Variants in SLC4A8 observed in about 807,000 individuals in gnomAD.
SLC4A8 encodes electroneutral sodium bicarbonate exchanger 1.
In SLC4A8, 40 loss-of-function variants were observed where a neutral mutation model predicts 125.0. The observed-to-expected ratio is 0.32, with a 90% CI of 0.25 to 0.42. SLC4A8 has a LOEUF of 0.42. SLC4A8 is among the 10% of genes least tolerant of loss of function. The pLI is 1.00. For missense variants in SLC4A8, 863 were observed against 1,355.1 expected (o/e 0.64, Z 5.70); for synonymous variants, 456 against 476.0 (o/e 0.96, Z 0.55).
chr12:51,471,380 C>T lies in SLC4A8; in HGVS notation c.1752C>T (p.Ser584=). The change falls in exon 14 of 25, where the codon TCC becomes TCT. Residue 584 remains serine (S), a synonymous_variant. Coordinates refer to ENST00000453097, the MANE Select transcript of SLC4A8 (RefSeq NM_001039960.3). ...TCCTTGTGGCAACTGATGCCAGTTCCCTTGTCTGCTACATTACCCGTTTCA... is the reference window on the plus strand; with the variant it reads ...TCCTTGTGGCAACTGATGCCAGTTCTCTTGTCTGCTACATTACCCGTTTCA... ...CIVLVATDAS[S]LVCYITRFTE... The T allele has an allele frequency of 1.2e-6, 2 of 1,614,150 alleles. No homozygotes were observed. The highest frequency in any genetic ancestry group is 1.7e-6 in the Non-Finnish European group (2 of 1,180,020).
At chr12:51,433,365 A>C (rs915129322) in intron 1 of SLC4A8, among the ~76,000 whole-genome samples, 3 of 152,206 alleles carry the variant, frequency 2.0e-5, no homozygotes, top group Non-Finnish European at 4.4e-5. Context: ...GAAGTTCAGA[A>C]AAGAGGATAC....
Position 51,515,294 on chromosome 12 carries a change from A to G in SLC4A8, c.*7856A>G, listed in dbSNP as rs1938494063. 6.6e-6 allele frequency: 1 copy of G among 152,216 alleles called. No homozygotes were observed. Among genetic ancestry groups the G allele is most frequent in the African/African-American group, 2.4e-5 (1 of 41,444 alleles). The allele number at this position is 152,216 out of a possible 1,614,324, so 9.4% of individuals were successfully genotyped here. A position where few individuals can be genotyped will look rare whatever the true frequency, so the allele number is the denominator to read the frequency against. ...CCTATATTCACTCCTCCAGGATCATAAAGCCTCCCTCTTGTTTATCTGTGT... is the reference window on the plus strand; with the variant it reads ...CCTATATTCACTCCTCCAGGATCATGAAGCCTCCCTCTTGTTTATCTGTGT... On this transcript the variant is annotated 3_prime_UTR_variant, in exon 25 of 25. Transcript: ENST00000453097.
intron 17 of SLC4A8, among the ~76,000 whole-genome samples, chr12:51,487,425 T>A (rs2138388336): frequency 6.6e-6 from 1 of 152,366 alleles, no homozygotes; most frequent in African/African-American, 2.4e-5. Context: ...AACCCATTCA[T>A]AATTTTGGAC....
chr12:51,503,878 T>G (rs1938047271), intron 22 of SLC4A8, 151 bp from the exon 23 acceptor site: 2 of 555,440 alleles, frequency 3.6e-6, no homozygotes, highest in African/African-American at 3.9e-5. Flanking sequence ...TGTCTCTCAT[T>G]TTGTGGTAAC....
chr12:51,442,281 CTCT>C (rs1299566665), intron 2 of SLC4A8, among the ~76,000 whole-genome samples: 3 of 152,150 alleles, frequency 2.0e-5, no homozygotes, highest in Non-Finnish European at 2.9e-5. Flanking sequence ...TTGCTCTTGC[CTCT>C]TCTTCTGTTC....
At chr12:51,465,466 A>T (rs1348320577) in intron 11 of SLC4A8, among the ~76,000 whole-genome samples, 1 of 152,162 alleles carries the variant, frequency 6.6e-6, no homozygotes, top group Non-Finnish European at 1.5e-5. Context: ...CAGTTATAAG[A>T]TCTTGGTAAT....
At chr12:51,439,663 A>G (rs1169911084) in intron 1 of SLC4A8, among the ~76,000 whole-genome samples, 2 of 152,194 alleles carry the variant, frequency 1.3e-5, no homozygotes, top group East Asian at 3.8e-4. Flanking sequence ...TGGAGCATGT[A>G]GGGAAGAGTG....
chr12:51,462,391 G>C lies in SLC4A8; in HGVS notation c.1183G>C (p.Val395Leu). The C allele has an allele frequency of 6.2e-7, 1 of 1,611,956 alleles. No individual in the cohort carries two copies. Among genetic ancestry groups the C allele is most frequent in the Non-Finnish European group, 8.5e-7 (1 of 1,179,338 alleles). The change falls in exon 10 of 25, where the codon GTG becomes CTG. Residue 395 changes from valine to leucine, a missense_variant. Val to Leu is a conservative substitution (Grantham distance 32, BLOSUM62 1). Coordinates refer to ENST00000453097, the MANE Select transcript of SLC4A8 (RefSeq NM_001039960.3). ...TGATGAGTTCCTAGACCAGGTGACG[G>C]TGCTCCCTCCAGGAGAGTGGGATCC... ...GIDEFLDQVT[V>L]LPPGEWDPSI...
intron 1 of SLC4A8, chr12:51,425,527 G>A: frequency 1.4e-6 from 1 of 727,674 alleles, no homozygotes; most frequent in Non-Finnish European, 1.7e-6. Context: ...CTGATAGGGT[G>A]ACCCGGTTTG....
intron 16 of SLC4A8, among the ~76,000 whole-genome samples, chr12:51,478,429 A>G (rs2138347296): frequency 6.6e-6 from 1 of 151,806 alleles, no homozygotes; most frequent in African/African-American, 2.4e-5. Context: ...ACAGAGCGAG[A>G]CTCCATCTTA....
chr12:51,402,950 C>A (rs1948420336), intron 1 of SLC4A8: 12 of 313,826 alleles, frequency 3.8e-5, no homozygotes, highest in South Asian at 3.3e-4. Flanking sequence ...ACTGGGGGTC[C>A]CTGATAGAAT....
intron 21 of SLC4A8, among the ~76,000 whole-genome samples, chr12:51,495,470 CTTTT>C (rs3028942): frequency 6.6e-4 from 50 of 76,296 alleles, no homozygotes; most frequent in African/African-American, 2.3e-3. Context: ...TTTCTTTCTT[CTTTT>C]TTTTTTTTTT....
At chr12:51,488,344 T>C (rs1193123009) in intron 17 of SLC4A8, among the ~76,000 whole-genome samples, 1 of 152,196 alleles carries the variant, frequency 6.6e-6, no homozygotes, top group African/African-American at 2.4e-5. Context: ...TAGTAGGTTA[T>C]TGGTAGAAGG....
intron 22 of SLC4A8, 139 bp from the exon 23 acceptor site, chr12:51,503,890 C>A (rs182963652): frequency 3.6e-6 from 2 of 560,904 alleles, no homozygotes; most frequent in Non-Finnish European, 6.2e-6. Flanking sequence ...TGTGGTAACT[C>A]AAGTCTATGA....
intron 1 of SLC4A8, among the ~76,000 whole-genome samples, chr12:51,409,686 A>C (rs1274737695): frequency 6.6e-6 from 1 of 152,160 alleles, no homozygotes; most frequent in Admixed American, 6.5e-5. Flanking sequence ...AGTAGCTGGG[A>C]CTATAGGTGT....
chr12:51,460,219 G>A (rs1233114955), intron 8 of SLC4A8, 111 bp downstream of exon 8: 3 of 958,472 alleles, frequency 3.1e-6, no homozygotes, highest in East Asian at 2.5e-5. Flanking sequence ...TTTAGGAATG[G>A]TGTTTACAAT....
intron 1 of SLC4A8, among the ~76,000 whole-genome samples, chr12:51,398,627 C>T (rs1417309554): frequency 1.3e-5 from 2 of 152,212 alleles, no homozygotes; most frequent in African/African-American, 2.4e-5. Context: ...TTCAATCTGA[C>T]AGTTGTTTTG....
intron 1 of SLC4A8, among the ~76,000 whole-genome samples, chr12:51,426,894 G>A (rs1429506394): frequency 6.6e-6 from 1 of 151,660 alleles, no homozygotes; most frequent in Non-Finnish European, 1.5e-5. Flanking sequence ...GAGAGGGCAT[G>A]AGAGAGTAAA....
At chr12:51,395,754 A>G (rs1287159977) in intron 1 of SLC4A8, among the ~76,000 whole-genome samples, 1 of 151,930 alleles carries the variant, frequency 6.6e-6, no homozygotes, top group Non-Finnish European at 1.5e-5. Context: ...ACTCTCCTCT[A>G]CCCTGAGGGA....
Sources: gnomAD v4.1 joint callset for allele counts (sites outside exome capture counted in the v4.1 genomes callset) on GRCh38, gnomAD v4.1.1 for gene constraint, MANE v1.5 for transcripts, NCBI Gene and HGNC (gene_info 2026-07-23, HGNC 2026-07-21) for gene names.